The following TUB variants were observed in gnomAD, a reference collection of about 807,000 sequenced individuals.
TUB encodes tubby protein homolog.
TUB carries 33 observed loss-of-function variants against 59.7 expected under a neutral mutation model. That is an observed-to-expected ratio of 0.55 (90% CI 0.42 to 0.74). The LOEUF is 0.74. Among genes scored for constraint, TUB ranks in the 30% least tolerant of loss-of-function variants. The pLI is 0.00. For missense variants in TUB, 659 were observed against 672.0 expected (o/e 0.98, Z 0.21); for synonymous variants, 293 against 256.4 (o/e 1.14, Z -1.36).
At chr11:8,096,548 T>TCTCGGTGGTCGCCGTATCATTAA in intron 5 of TUB, 137 bp from the exon 6 acceptor site, 1 of 697,762 alleles carries the variant, frequency 1.4e-6, no homozygotes, top group Non-Finnish European at 2.6e-6. Context: ...TATGTGTAGA[T>TCTCGGTGGTCGCCGTATCATTAA]ATGGCTAAGA....
chr11:8,101,351 C>A, intron 11 of TUB, 135 bp from the exon 12 acceptor site: 1 of 1,204,006 alleles, frequency 8.3e-7, no homozygotes, highest in Non-Finnish European at 1.2e-6. Flanking sequence ...TGTTTTACTT[C>A]CCTTTGTGAT....
chr11:8,060,919 C>T (rs1299608413), intron 2 of TUB, among the ~76,000 whole-genome samples: 1 of 152,246 alleles, frequency 6.6e-6, no homozygotes, highest in African/African-American at 2.4e-5. Flanking sequence ...ACAGCACAGT[C>T]ATGGTTATGT....
At chr11:8,038,280 T>A (rs1942680693), upstream of TUB, among the ~76,000 whole-genome samples, 1 of 151,482 alleles carries the variant, frequency 6.6e-6, no homozygotes, top group African/African-American at 2.4e-5. Flanking sequence ...AATGTAAGAG[T>A]TGTGGGAGAT....
chr11:8,100,386 T>C (rs1197067942), intron 9 of TUB, 117 bp from the exon 10 acceptor site: 56 of 797,218 alleles, frequency 7.0e-5, no homozygotes, highest in Non-Finnish European at 1.1e-4. Flanking sequence ...GGATGTGTGT[T>C]AGACTTCGGA....
intron 1 of TUB, among the ~76,000 whole-genome samples, chr11:8,033,576 G>A (rs1310095454): frequency 6.6e-6 from 1 of 152,196 alleles, no homozygotes; most frequent in African/African-American, 2.4e-5. Context: ...TGCCTGCAGT[G>A]TAATTACCTG....
intron 2 of TUB, among the ~76,000 whole-genome samples, chr11:8,066,578 T>C (rs774206567): frequency 6.6e-5 from 10 of 152,268 alleles, no homozygotes; most frequent in Non-Finnish European, 1.5e-4. Flanking sequence ...TGCCTCAGAC[T>C]TCCCTGGGCA....
Position 8,081,219 on chromosome 11 carries a change from C to T in TUB, c.-292C>T. On this transcript the variant is annotated 5_prime_UTR_variant, in exon 1 of 12. Transcript: ENST00000299506. ...CGCCGCTGCCACGCAGTACTCCCGC[C>T]TTGGCGCCAGAGGGGCGCGGGACGG... is the stretch of plus-strand genomic sequence containing the variant. 1 of 261,862 alleles carries T rather than the reference C, an allele frequency of 3.8e-6. No individual in the cohort carries two copies. The highest frequency in any genetic ancestry group is 5.9e-6 in the Non-Finnish European group (1 of 168,624). The allele number at this position is 261,862 out of a possible 1,614,324, so 16.2% of individuals were successfully genotyped here.
At chr11:8,027,709 T>G (rs1942518705) in intron 1 of TUB, among the ~76,000 whole-genome samples, 1 of 152,158 alleles carries the variant, frequency 6.6e-6, no homozygotes, top group African/African-American at 2.4e-5. Context: ...GAGACGGGGT[T>G]TCTCCATGTT....
intron 5 of TUB, among the ~76,000 whole-genome samples, chr11:8,096,462 G>A (rs528967018): frequency 3.3e-4 from 51 of 152,252 alleles, no homozygotes; most frequent in African/African-American, 7.9e-4. Flanking sequence ...GGCCAGCCCC[G>A]GCTCATGTGT....
chr11:8,090,031 T>A (rs1225963114), intron 2 of TUB, 38 bp from the exon 3 acceptor site: 10 of 1,547,298 alleles, frequency 6.5e-6, no homozygotes, highest in Non-Finnish European at 8.7e-6. Context: ...CCCTTCCTGG[T>A]GGAGGCAGTG....
At chr11:8,020,081 C>T (rs1236600884) in intron 1 of TUB, among the ~76,000 whole-genome samples, 3 of 152,236 alleles carry the variant, frequency 2.0e-5, no homozygotes, top group African/African-American at 7.2e-5. Context: ...GGTCATAAAG[C>T]CGAGTACATT....
chr11:8,046,456 C>T (rs74052192), intron 2 of TUB, among the ~76,000 whole-genome samples: 1 of 152,298 alleles, frequency 6.6e-6, no homozygotes, highest in African/African-American at 2.4e-5. Context: ...TCTCACCAAC[C>T]TGTCCCTCGT....
chr11:8,100,069 A>G (rs1033219148), intron 9 of TUB, among the ~76,000 whole-genome samples: 2 of 152,130 alleles, frequency 1.3e-5, no homozygotes, highest in Non-Finnish European at 2.9e-5. Flanking sequence ...GGTGGGAAGG[A>G]GGAATAGGAG....
At chr11:8,036,611 G>C (rs1033516570), upstream of TUB, among the ~76,000 whole-genome samples, 2 of 152,192 alleles carry the variant, frequency 1.3e-5, no homozygotes, top group Non-Finnish European at 2.9e-5. Context: ...AAGATGGAGG[G>C]ACCGCTCTGG....
In TUB at chr11:8,096,752, C is replaced by G. The variant is rs879188747; in HGVS notation, c.633C>G (p.Ser211=). 1.2e-6 allele frequency: 2 copies of G among 1,614,152 alleles called. No homozygotes were observed. Among genetic ancestry groups the G allele is most frequent in the South Asian group, 2.2e-5 (2 of 91,084 alleles). The change falls in exon 6 of 12, where the codon TCC becomes TCG. Residue 211 remains serine (S), a synonymous_variant. Coordinates refer to ENST00000299506, the MANE Select transcript of TUB (RefSeq NM_177972.3). ...AGGAGGAGAATAGCTCCAGCTCCTC[C>G]CAGCTAAATAGTAACACCCGCCCCA... The part of the protein sequence containing the change: ...EDEEENSSSS[S]QLNSNTRPSS...
At chr11:8,096,852 C>T (rs1944016384) in intron 6 of TUB, 46 bp downstream of exon 6, 3 of 1,598,200 alleles carry the variant, frequency 1.9e-6, no homozygotes, top group Non-Finnish European at 2.6e-6. Context: ...GAGGACTGCT[C>T]ATCCGTTAGA....
intron 1 of TUB, among the ~76,000 whole-genome samples, chr11:8,028,121 TATTATA>T (rs2133704683): frequency 6.6e-6 from 1 of 152,330 alleles, no homozygotes; most frequent in East Asian, 1.9e-4. Flanking sequence ...TCTGGGTTGT[TATTATA>T]ATTATTATTA....
At chr11:8,096,891 G>A (rs545642073) in intron 6 of TUB, 85 bp downstream of exon 6, 34 of 1,497,492 alleles carry the variant, frequency 2.3e-5, no homozygotes, top group South Asian at 9.2e-5. Context: ...AGATGGACTC[G>A]TATGCCTTTA....
chr11:8,039,615 T>C, intron 1 of TUB: 1 of 1,470,826 alleles, frequency 6.8e-7, no homozygotes, highest in Non-Finnish European at 9.0e-7. Flanking sequence ...TGCAAGGATG[T>C]GGAGAGTCAC....
Sources: gnomAD v4.1 joint callset for allele counts (sites outside exome capture counted in the v4.1 genomes callset) on GRCh38, gnomAD v4.1.1 for gene constraint, MANE v1.5 for transcripts, NCBI Gene and HGNC (gene_info 2026-07-23, HGNC 2026-07-21) for gene names.